Variants in OR2L13 observed in about 807,000 individuals in gnomAD.
The protein encoded by OR2L13 is olfactory receptor 2L13.
Under a neutral mutation model 15.3 loss-of-function variants are expected in OR2L13, and 14 were observed. The observed-to-expected ratio is 0.91, with a 90% CI of 0.60 to 1.43. OR2L13 has a LOEUF of 1.43. Ranked by LOEUF, OR2L13 falls within the 40% of genes most tolerant of loss-of-function variation. The probability of loss-of-function intolerance (pLI) is 0.00; values close to 1 mark genes in which losing one functional copy is unlikely to be tolerated. For synonymous variants in OR2L13, 152 were observed against 142.9 expected (o/e 1.06, Z -0.45); for missense variants, 367 against 387.9 (o/e 0.95, Z 0.45).
At chr1:247,993,783 G>A in the OR2L13 span, among the ~76,000 whole-genome samples, 4 of 143,744 alleles carry the variant, frequency 2.8e-5, no homozygotes, top group African/African-American at 8.5e-5. Context: ...GAGAGAGAGA[G>A]AGAGAGAGAG....
chr1:248,031,420 C>A, the OR2L13 span, among the ~76,000 whole-genome samples: 6 of 152,176 alleles, frequency 3.9e-5, no homozygotes, highest in Admixed American at 3.9e-4. Context: ...ACTTTTTCTT[C>A]CAAGCTTAGC....
chr1:248,029,137 T>C, the OR2L13 span: 1 of 152,348 alleles, frequency 6.6e-6, no homozygotes, highest in Non-Finnish European at 1.5e-5. Context: ...CCAAGTGTAG[T>C]GGTGTTTACA....
the OR2L13 span, among the ~76,000 whole-genome samples, chr1:248,070,389 G>A: frequency 2.3e-4 from 35 of 152,118 alleles, no homozygotes; most frequent in African/African-American, 4.6e-4. Flanking sequence ...GGTACATAAC[G>A]AAATGAAGGC....
the OR2L13 span, among the ~76,000 whole-genome samples, chr1:247,977,798 T>C: frequency 6.6e-6 from 1 of 152,148 alleles, no homozygotes; most frequent in African/African-American, 2.4e-5. Context: ...TGAATTCTAG[T>C]GGATCCACTG....
chr1:247,956,037 G>A, the OR2L13 span, among the ~76,000 whole-genome samples: 2 of 145,382 alleles, frequency 1.4e-5, no homozygotes, highest in Non-Finnish European at 3.0e-5. Context: ...GTCCTGAATG[G>A]TAATGCCTAG....
In OR2L13 at chr1:248,099,590, A is replaced by T. The variant is rs1447372298; in HGVS notation, c.215A>T (p.Tyr72Phe). 3 of 1,613,984 alleles carry T rather than the reference A, an allele frequency of 1.9e-6. No homozygotes were observed. The Admixed American group carries it at 5.0e-5, about 27-fold the overall frequency. Reference sequence around the variant, plus strand: ...CAGCTCTCCCTTATGGACCTGATGTACATCTCCACCACCGTCCCCAAGATG... The same window carrying T: ...CAGCTCTCCCTTATGGACCTGATGTTCATCTCCACCACCGTCCCCAAGATG... The change falls in exon 3 of 3, where the codon TAC becomes TTC. Residue 72 changes from tyrosine to phenylalanine, a missense_variant. Transcript: ENST00000641714.
At chr1:247,979,346 G>A in the OR2L13 span, among the ~76,000 whole-genome samples, 1 of 152,032 alleles carries the variant, frequency 6.6e-6, no homozygotes, top group African/African-American at 2.4e-5. Context: ...AGTGTGTGAT[G>A]TTCCCCTCCC....
At chr1:247,951,664 G>A in the OR2L13 span, among the ~76,000 whole-genome samples, 1 of 152,280 alleles carries the variant, frequency 6.6e-6, no homozygotes, top group African/African-American at 2.4e-5. Flanking sequence ...GCTGCAATGA[G>A]CAGTGTATAT....
the OR2L13 span, chr1:247,975,057 T>C: frequency 3.1e-6 from 1 of 322,002 alleles, no homozygotes. Flanking sequence ...TTTGTGACTT[T>C]AGCAGGTGCA....
At chr1:247,975,208 C>A in the OR2L13 span, 1 of 397,334 alleles carries the variant, frequency 2.5e-6, no homozygotes, top group Non-Finnish European at 5.1e-6. Context: ...GACACTTGTG[C>A]TCACATTTCA....
At chr1:248,036,156 T>G in the OR2L13 span, among the ~76,000 whole-genome samples, 2 of 152,192 alleles carry the variant, frequency 1.3e-5, no homozygotes, top group Non-Finnish European at 2.9e-5. Context: ...TATTATTATT[T>G]GCTATGTGCA....
At chr1:247,937,876 A>G in the OR2L13 span, among the ~76,000 whole-genome samples, 3 of 152,256 alleles carry the variant, frequency 2.0e-5, no homozygotes, top group Admixed American at 6.5e-5. Flanking sequence ...GAAGATATAT[A>G]TGAAACTTTA....
the OR2L13 span, among the ~76,000 whole-genome samples, chr1:248,021,676 T>G: frequency 6.6e-6 from 1 of 152,234 alleles, no homozygotes; most frequent in Non-Finnish European, 1.5e-5. Flanking sequence ...AGATAGAAAC[T>G]GCATTTGCAT....
the OR2L13 span, among the ~76,000 whole-genome samples, chr1:247,993,839 C>A: frequency 8.3e-6 from 1 of 121,136 alleles, no homozygotes. Context: ...GAGAGAGAGA[C>A]CTTGTCATGA....
At chr1:247,961,015 C>T in the OR2L13 span, among the ~76,000 whole-genome samples, 111 of 152,262 alleles carry the variant, frequency 7.3e-4, 1 homozygote, top group African/African-American at 2.6e-3. Flanking sequence ...AGAAATTACC[C>T]GTCTTCTGCG....
the OR2L13 span, among the ~76,000 whole-genome samples, chr1:247,959,041 T>G: frequency 6.6e-6 from 1 of 152,234 alleles, no homozygotes; most frequent in Non-Finnish European, 1.5e-5. Context: ...CTAGCCTCGA[T>G]GGTCTTTACA....
At chr1:248,039,002 T>C in the OR2L13 span, 1 of 1,614,146 alleles carries the variant, frequency 6.2e-7, no homozygotes, top group South Asian at 1.1e-5. Context: ...CCCACCTCAC[T>C]GTAGTGTCCT....
At chr1:248,083,917 G>A in the OR2L13 span, 996 of 1,611,580 alleles carry the variant, frequency 6.2e-4, 8 homozygotes, top group African/African-American at 0.011. Context: ...TCTGTAGAGC[G>A]CATGTGCAGA....
the OR2L13 span, among the ~76,000 whole-genome samples, chr1:248,017,492 A>G: frequency 4.3e-4 from 65 of 152,348 alleles, 1 homozygote; most frequent in East Asian, 6.7e-3. Flanking sequence ...TTGCAAAGTC[A>G]TGTTAACAAG....
Sources: gnomAD v4.1 joint callset for allele counts (sites outside exome capture counted in the v4.1 genomes callset) on GRCh38, gnomAD v4.1.1 for gene constraint, MANE v1.5 for transcripts, NCBI Gene and HGNC (gene_info 2026-07-23, HGNC 2026-07-21) for gene names.